The following CCDC66 variants were observed in gnomAD, a reference collection of about 807,000 sequenced individuals.
CCDC66 encodes coiled-coil domain containing 66, also known as coiled-coil domain-containing protein 66.
In CCDC66, 133 loss-of-function variants were observed where a neutral mutation model predicts 128.3. The observed-to-expected ratio is 1.04, with a 90% CI of 0.90 to 1.20. The LOEUF is 1.20. Ranked by LOEUF, CCDC66 falls within the 50% of genes most tolerant of loss-of-function variation. CCDC66 has a pLI of 0.00. For synonymous variants in CCDC66, 387 were observed against 357.0 expected, an observed-to-expected ratio of 1.08 and a Z score of -0.95; for missense variants, 1,126 against 1,075.5, an observed-to-expected ratio of 1.05 and a Z score of -0.66.
chr3:56,567,924 T>G lies in CCDC66; in HGVS notation c.814+871T>G, dbSNP rs564633566. On this transcript the variant is annotated intron_variant, in intron 6 of 17. Transcript: ENST00000394672. ...CCAGGATGGTCTTGATCTCCTGACC[T>G]CATGATCCACCTGCCTCGGCCTCCC... Among the ~76,000 whole-genome samples the G allele has an allele frequency of 2.9e-4, 44 of 152,266 alleles. No homozygotes were observed. The South Asian group carries it at 5.2e-3, about 18-fold the overall frequency.
rs1031378238 is a variant in CCDC66 at position 56,619,893 on chromosome 3, C to T, written c.2752C>T (p.Leu918=). ...AGCAATCCTTAAGGGACTTTCAGAA[C>T]TGAGACAGGTATGAGCTTTTTCAAG... ...QQAILKGLSE[L]RQGLLQKQKE... is the part of the protein sequence containing the mutation. Residue 918 remains leucine, a synonymous_variant, in exon 17 of 18, where the codon CTG becomes TTG. Transcript: ENST00000394672. The T allele has an allele frequency of 6.2e-6, 10 of 1,613,704 alleles. No homozygotes were observed. The East Asian group carries it at 6.7e-5, about 11-fold the overall frequency.
chr3:56,619,319 T>C lies in CCDC66; in HGVS notation c.2427T>C (p.Thr809=). The C allele has an allele frequency of 1.2e-6, 2 of 1,612,908 alleles. No individual in the cohort carries two copies. Among genetic ancestry groups the C allele is most frequent in the Non-Finnish European group, 1.7e-6 (2 of 1,179,504 alleles). ...TAGTGAAAAACAGAACCCAACAAAC[T>C]CAAAATACATTACATTTACCACTAA... The part of the protein sequence containing the change: ...VPVVKNRTQQ[T]QNTLHLPLKN... The change falls in exon 16 of 18, where the codon ACT becomes ACC. Residue 809 remains threonine (T), a synonymous_variant. Coordinates refer to ENST00000394672, the MANE Select transcript of CCDC66 (RefSeq NM_001141947.3).
chr3:56,593,017 G>A lies in CCDC66; in HGVS notation c.984G>A (p.Leu328=). ...EHPFSAVKQE[L]QRKWIEELNK... Reference sequence around the variant, plus strand: ...CTTTCAGTGCTGTGAAACAAGAACTGCAAAGAAAATGGATTGAAGAGTTGA... The same window carrying A: ...CTTTCAGTGCTGTGAAACAAGAACTACAAAGAAAATGGATTGAAGAGTTGA... Residue 328 remains leucine (L), a synonymous_variant, in exon 8 of 18, where the codon CTG becomes CTA. Coordinates refer to ENST00000394672, the MANE Select transcript of CCDC66 (RefSeq NM_001141947.3). 6.2e-7 allele frequency: 1 copy of A among 1,611,492 alleles called. No individual in the cohort carries two copies. The highest frequency in any genetic ancestry group is 8.5e-7 in the Non-Finnish European group (1 of 1,179,038).
At position 56,618,127 on chromosome 3, in the gene CCDC66, A is replaced by G. The variant is rs764383658; in HGVS notation, c.2338-45A>G. 2.1e-6 allele frequency: 3 copies of G among 1,436,848 alleles called. No individual in the cohort carries two copies. In the East Asian group the frequency reaches 6.8e-5, roughly 33 times the overall value. The allele number at this position is 1,436,848 out of a possible 1,614,324, so 89.0% of individuals were successfully genotyped here. A position where few individuals can be genotyped will look rare whatever the true frequency, so the allele number is the denominator to read the frequency against. Reference sequence around the variant, plus strand: ...CTAAAAATATTTGTGGGGACATGTGAAGATGCTATATATTCCTTTCTGCAT... The same window carrying G: ...CTAAAAATATTTGTGGGGACATGTGGAGATGCTATATATTCCTTTCTGCAT... On this transcript the variant is annotated intron_variant, in intron 14 of 17. Coordinates refer to ENST00000394672, the MANE Select transcript of CCDC66 (RefSeq NM_001141947.3).
intron 10 of CCDC66, among the ~76,000 whole-genome samples, chr3:56,603,076 C>A (rs983437285): frequency 2.0e-5 from 3 of 151,908 alleles, no homozygotes; most frequent in Non-Finnish European, 4.4e-5. Flanking sequence ...ACCTCGTGAT[C>A]CACCCACCTC....
rs1376139398 is a variant in CCDC66, at chr3:56,560,968, G to C, written c.102+1374G>C. The C allele has an allele frequency of 6.6e-6, 3 of 454,830 alleles. No individual in the cohort carries two copies. The Admixed American group carries it at 7.1e-5, about 11-fold the overall frequency. 28.2% of individuals were successfully genotyped at this position (454,830 alleles called of 1,614,324 possible). On this transcript the variant is annotated intron_variant, in intron 3 of 17. Coordinates refer to ENST00000394672, the MANE Select transcript of CCDC66 (RefSeq NM_001141947.3). ...TGGCTTTACTTGCAGGTTTAATTAA[G>C]GTGAAGAAGTTGCTGGAGTACCCGA...
chr3:56,579,325 T>A lies in CCDC66; in HGVS notation c.936+8023T>A, dbSNP rs140325105. Among the ~76,000 whole-genome samples, 4,161 of 151,856 alleles carry A rather than the reference T, an allele frequency of 0.027. 384 individuals are homozygous for A. In the East Asian group the frequency reaches 0.28, roughly 10 times the overall value. Reference sequence around the variant, plus strand: ...TCTTCTTTATTAGTCTTGCTAGTGGTCTATCAATTTTGTTGATCTTTTCAA... The same window carrying A: ...TCTTCTTTATTAGTCTTGCTAGTGGACTATCAATTTTGTTGATCTTTTCAA... On this transcript the variant is annotated intron_variant, in intron 7 of 17. Coordinates refer to ENST00000394672, the MANE Select transcript of CCDC66 (RefSeq NM_001141947.3).
At position 56,619,268 on chromosome 3, in the gene CCDC66, T is replaced by C. The variant is rs753923887; in HGVS notation, c.2379-3T>C. On this transcript the variant is annotated splice_region_variant and splice_polypyrimidine_tract_variant and intron_variant, in intron 15 of 17. Transcript: ENST00000394672. The stretch of plus-strand genomic sequence containing the variant: ...AATTTTTTACTATTTTTTTTTTAAA[T>C]AGGTCTCCATCATCACCAGTTCCAG... 3.1e-5 allele frequency: 48 copies of C among 1,563,566 alleles called. No individual in the cohort carries two copies. The African/African-American group carries it at 3.3e-4, about 11-fold the overall frequency.
At chr3:56,614,864 A>G (rs970790455) in intron 11 of CCDC66, among the ~76,000 whole-genome samples, 36 of 152,344 alleles carry the variant, frequency 2.4e-4, no homozygotes, top group African/African-American at 8.2e-4. Context: ...AAATGTAATA[A>G]AAGTTTTTAA....
At chr3:56,557,787 A>G (rs1171030810) in intron 1 of CCDC66, 1 of 153,330 alleles carries the variant, frequency 6.5e-6, no homozygotes, top group African/African-American at 2.4e-5. Flanking sequence ...GGGCTGGTGC[A>G]TGGTCTTCAT....
chr3:56,618,415 C>A, intron 15 of CCDC66: 1 of 505,416 alleles, frequency 2.0e-6, no homozygotes. Context: ...TGGGCCTAGG[C>A]AGGAATGTAG....
At chr3:56,575,034 T>G (rs991967080) in intron 7 of CCDC66, among the ~76,000 whole-genome samples, 2 of 151,950 alleles carry the variant, frequency 1.3e-5, no homozygotes, top group African/African-American at 4.8e-5. Flanking sequence ...GAGTTCCTGC[T>G]TCAATTCTTT....
At chr3:56,612,004 G>C in intron 10 of CCDC66, among the ~76,000 whole-genome samples, 1 of 152,172 alleles carries the variant, frequency 6.6e-6, no homozygotes, top group East Asian at 1.9e-4. Flanking sequence ...GTCTGTTCTT[G>C]CAGTTGATCT....
At chr3:56,584,698 G>T (rs1174072959) in intron 7 of CCDC66, among the ~76,000 whole-genome samples, 1 of 151,912 alleles carries the variant, frequency 6.6e-6, no homozygotes, top group Non-Finnish European at 1.5e-5. Context: ...GTGGCGGCCG[G>T]GCAGAGGCTG....
chr3:56,562,332 G>A (rs1419911764), intron 3 of CCDC66, among the ~76,000 whole-genome samples: 1 of 152,132 alleles, frequency 6.6e-6, no homozygotes, highest in Non-Finnish European at 1.5e-5. Context: ...TTATAGGTGT[G>A]AGCCACTGTG....
chr3:56,562,223 A>C (rs1457252689), intron 3 of CCDC66, among the ~76,000 whole-genome samples: 3 of 150,982 alleles, frequency 2.0e-5, no homozygotes, highest in Admixed American at 6.6e-5. Context: ...ATTGTTTAAA[A>C]TTTTTTGTAC....
In CCDC66 at chr3:56,563,922, C is replaced by T. The variant is rs201396961; in HGVS notation, c.341C>T (p.Ala114Val). The change falls in exon 4 of 18, where the codon GCA becomes GTA. Residue 114 changes from alanine (A) to valine (V), a missense_variant. Coordinates refer to ENST00000394672, the MANE Select transcript of CCDC66 (RefSeq NM_001141947.3). ...CATATCCAGAAAGAGATTTCACCTG[C>T]AACCCCTAATATGCAGAAGACTAGA... is the stretch of plus-strand genomic sequence containing the variant. ...CLHIQKEISP[A>V]TPNMQKTRNT... 136 of 1,613,598 alleles carry T rather than the reference C, an allele frequency of 8.4e-5. 2 individuals carry two copies. The highest frequency in any genetic ancestry group is 1.6e-4 in the Middle Eastern group (1 of 6,080).
chr3:56,612,160 A>G (rs1385107861), intron 10 of CCDC66, among the ~76,000 whole-genome samples: 1 of 152,212 alleles, frequency 6.6e-6, no homozygotes, highest in Non-Finnish European at 1.5e-5. Context: ...TATCTGGTAT[A>G]ACGATCACTT....
intron 10 of CCDC66, among the ~76,000 whole-genome samples, chr3:56,607,891 A>G (rs2074285139): frequency 1.3e-5 from 2 of 152,138 alleles, no homozygotes; most frequent in Admixed American, 1.3e-4. Flanking sequence ...ATCTATTGAG[A>G]TGATCATGTG....
Sources: allele counts gnomAD v4.1 joint callset (sites outside exome capture counted in the v4.1 genomes callset), GRCh38; gene constraint gnomAD v4.1.1; transcripts MANE v1.5; gene names NCBI Gene and HGNC (gene_info 2026-07-23, HGNC 2026-07-21).